Variants in KANK4 observed in about 807,000 individuals in gnomAD.
KANK4 encodes the protein KN motif and ankyrin repeat domains 4, also known as KN motif and ankyrin repeat domain-containing protein 4.
Under a neutral mutation model 80.8 loss-of-function variants are expected in KANK4, and 50 were observed. The ratio of observed to expected loss-of-function variants is 0.62; its 90% CI spans 0.49 to 0.78. The LOEUF is 0.78. Among genes scored for constraint, KANK4 ranks in the 30% least tolerant of loss-of-function variants. The pLI is 0.00. For missense variants in KANK4, 1,196 were observed against 1,240.1 expected (o/e 0.96, Z 0.53); for synonymous variants, 465 against 506.9 (o/e 0.92, Z 1.11).
chr1:62,296,409 T>C (rs1644363974), intron 1 of KANK4, among the ~76,000 whole-genome samples: 1 of 152,210 alleles, frequency 6.6e-6, no homozygotes, highest in Admixed American at 6.5e-5. Context: ...CATTTGTCCA[T>C]GGCTTTTTCA....
chr1:62,310,231 C>T (rs1442671905), intron 1 of KANK4, among the ~76,000 whole-genome samples: 1 of 152,230 alleles, frequency 6.6e-6, no homozygotes, highest in Non-Finnish European at 1.5e-5. Flanking sequence ...GGCCTGCCAC[C>T]TGCCCTCTCT....
intron 7 of KANK4, among the ~76,000 whole-genome samples, chr1:62,256,670 G>T (rs1029949103): frequency 1.3e-5 from 2 of 152,118 alleles, no homozygotes; most frequent in East Asian, 3.9e-4. Flanking sequence ...GGCATGAGCC[G>T]TCGCGCCTGG....
At position 62,236,598 on chromosome 1, in the gene KANK4, T is replaced by G. The variant is rs530020577; in HGVS notation, c.*1679A>C. On this transcript the variant is annotated 3_prime_UTR_variant, in exon 10 of 10. Transcript: ENST00000371153. The stretch of plus-strand genomic sequence containing the variant: ...CTTAATGGGTTACAAATTGGATTTT[T>G]TTTTTTTTTTTTTTTGAGACAGAGT... 1.2e-3 allele frequency among the ~76,000 whole-genome samples: 186 copies of G among 149,536 alleles called. No homozygotes were observed. Among genetic ancestry groups the G allele is most frequent in the African/African-American group, 4.4e-3 (180 of 40,566 alleles).
At chr1:62,302,197 A>G (rs1644417501) in intron 1 of KANK4, among the ~76,000 whole-genome samples, 1 of 152,050 alleles carries the variant, frequency 6.6e-6, no homozygotes, top group African/African-American at 2.4e-5. Context: ...GCTGTTTTCC[A>G]GTGCAATTCA....
At chr1:62,262,509 G>A (rs1048420471) in intron 7 of KANK4, among the ~76,000 whole-genome samples, 4 of 152,098 alleles carry the variant, frequency 2.6e-5, no homozygotes, top group Non-Finnish European at 5.9e-5. Context: ...ATTCACAATT[G>A]CAAAGACATG....
chr1:62,273,096 A>T, intron 3 of KANK4, 108 bp downstream of exon 3: 2 of 824,846 alleles, frequency 2.4e-6, no homozygotes, highest in Non-Finnish European at 1.8e-6. Flanking sequence ...CAGCTGCTAA[A>T]ATCTTTTTAA....
At chr1:62,264,341 C>T (rs983409567) in intron 6 of KANK4, among the ~76,000 whole-genome samples, 1 of 152,210 alleles carries the variant, frequency 6.6e-6, no homozygotes, top group East Asian at 1.9e-4. Context: ...CGCTTGAACC[C>T]GGGAGGTGGA....
Position 62,263,272 on chromosome 1 carries a change from C to T in KANK4, c.2359G>A (p.Val787Ile), listed in dbSNP as rs370071190. Residue 787 changes from valine to isoleucine, a missense_variant, in exon 7 of 10, where the codon GTC becomes ATC. Transcript: ENST00000371153. Reference protein sequence around the residue: ...LNTISQEWFRVSSRKSSSPAV... With the variant: ...LNTISQEWFRISSRKSSSPAV... ...GGGCTAGACGACTTCCGGCTGGAGA[C>T]GCGGAACCACTCTTGACTGATGGTG... 2.0e-5 allele frequency: 32 copies of T among 1,613,420 alleles called. No individual in the cohort carries two copies. The East Asian group carries it at 4.2e-4, about 21-fold the overall frequency.
intron 8 of KANK4, among the ~76,000 whole-genome samples, chr1:62,250,695 C>T (rs1385415557): frequency 8.8e-6 from 1 of 113,418 alleles, no homozygotes; most frequent in African/African-American, 3.1e-5. Flanking sequence ...ACCCCTCTTA[C>T]AAGAGGGACA....
intron 2 of KANK4, among the ~76,000 whole-genome samples, 171 bp downstream of exon 2, chr1:62,281,378 A>C (rs1475665541): frequency 6.6e-6 from 1 of 152,212 alleles, no homozygotes; most frequent in African/African-American, 2.4e-5. Context: ...TTCCTAGGCT[A>C]GGGCTGGAGA....
At position 62,274,543 on chromosome 1, in the gene KANK4, A is replaced by G. The variant is rs1323242347; in HGVS notation, c.561T>C (p.Pro187=). 5 of 1,613,996 alleles carry G rather than the reference A, an allele frequency of 3.1e-6. No homozygotes were observed. The highest frequency in any genetic ancestry group is 4.2e-6 in the Non-Finnish European group (5 of 1,179,968). The change falls in exon 3 of 10, where the codon CCT becomes CCC. Residue 187 remains proline, a synonymous_variant. Transcript: ENST00000371153. ...EPGLSLGPPA[P]PALPPLQGEG... Reference sequence around the variant, plus strand: ...CACCCTGAAGGGGAGGGAGGGCAGGAGGGGCAGGGGGCCCCAGGCTCAGGC... The same window carrying G: ...CACCCTGAAGGGGAGGGAGGGCAGGGGGGGCAGGGGGCCCCAGGCTCAGGC...
intron 2 of KANK4, among the ~76,000 whole-genome samples, chr1:62,279,198 GCACACA>G (rs10560623): frequency 0.018 from 2,642 of 146,240 alleles, 50 homozygotes; most frequent in African/African-American, 0.045. Flanking sequence ...GCTAGCGCGC[GCACACA>G]CACACACACA....
chr1:62,290,769 G>C (rs1672662479), intron 1 of KANK4, among the ~76,000 whole-genome samples: 1 of 150,192 alleles, frequency 6.7e-6, no homozygotes, highest in Admixed American at 6.6e-5. Flanking sequence ...TTTTGAGATG[G>C]AGTCTCACTC....
chr1:62,248,893 T>G lies in KANK4; in HGVS notation c.2683-1221A>C, dbSNP rs371758240. ...ATGTAACAATTGGGGCCGGGTGCAG[T>G]GGCTCACGCCTGTAATCCCTGCACT... On this transcript the variant is annotated intron_variant, in intron 8 of 9. Transcript: ENST00000371153. Among the ~76,000 whole-genome samples the G allele has an allele frequency of 2.8e-4, 40 of 144,768 alleles. No individual in the cohort carries two copies. In the East Asian group the frequency reaches 4.4e-3, roughly 16 times the overall value. The allele number at this position is 144,768 out of a possible 152,430, so 95.0% of individuals were successfully genotyped here. A position where few individuals can be genotyped will look rare whatever the true frequency, so the allele number is the denominator to read the frequency against.
At chr1:62,250,837 G>A (rs766617333) in intron 8 of KANK4, among the ~76,000 whole-genome samples, 5 of 152,194 alleles carry the variant, frequency 3.3e-5, no homozygotes, top group African/African-American at 4.8e-5. Flanking sequence ...TATAAACATC[G>A]GCTTCTGGCC....
intron 1 of KANK4, among the ~76,000 whole-genome samples, chr1:62,316,125 T>C (rs111477483): frequency 1.8e-3 from 267 of 152,380 alleles, no homozygotes; most frequent in African/African-American, 6.0e-3. Flanking sequence ...TAGCTGGGCC[T>C]CTGATCTCAA....
rs1298808841 is a variant in KANK4 at position 62,247,493 on chromosome 1, G to A, written c.2862C>T (p.Cys954=). The A allele has an allele frequency of 1.2e-6, 2 of 1,613,882 alleles. No individual in the cohort carries two copies. Among genetic ancestry groups the A allele is most frequent in the Non-Finnish European group, 1.7e-6 (2 of 1,180,004 alleles). Reference sequence around the variant, plus strand: ...TCACCTTGTCAGTCAGGCTGCTGTCGCAGGCTGGGTGTGCCAGGAGCAGCC... The same window carrying A: ...TCACCTTGTCAGTCAGGCTGCTGTCACAGGCTGGGTGTGCCAGGAGCAGCC... ...LVRLLLAHPA[C]DSSLTDKAGR... Residue 954 remains cysteine (C), a synonymous_variant, in exon 9 of 10, where the codon TGC becomes TGT. Coordinates refer to ENST00000371153, the MANE Select transcript of KANK4 (RefSeq NM_181712.5).
chr1:62,284,727 A>G (rs3903928), intron 1 of KANK4, among the ~76,000 whole-genome samples: 55,122 of 152,076 alleles, frequency 0.36, 10,428 homozygotes, highest in South Asian at 0.57. Context: ...CTATGCCAGG[A>G]TCAAGGATCC....
At position 62,294,712 on chromosome 1, in the gene KANK4, C is replaced by T. The variant is rs115481613; in HGVS notation, c.-70-13078G>A. On this transcript the variant is annotated intron_variant, in intron 1 of 9. Transcript: ENST00000371153. Reference sequence around the variant, plus strand: ...GCTGTTATTATTTCACAATGCCCCACCTAACCCTCTGGCAAGTTCAGTCTG... The same window carrying T: ...GCTGTTATTATTTCACAATGCCCCATCTAACCCTCTGGCAAGTTCAGTCTG... 9.8e-3 allele frequency among the ~76,000 whole-genome samples: 1,496 copies of T among 152,330 alleles called. 30 individuals carry two copies. Among genetic ancestry groups the T allele is most frequent in the African/African-American group, 0.034 (1,429 of 41,564 alleles).
Sources: gnomAD v4.1 joint callset for allele counts (sites outside exome capture counted in the v4.1 genomes callset) on GRCh38, gnomAD v4.1.1 for gene constraint, MANE v1.5 for transcripts, NCBI Gene and HGNC (gene_info 2026-07-23, HGNC 2026-07-21) for gene names.